The following PPP6R3 variants were observed in gnomAD, a reference collection of about 807,000 sequenced individuals.
The protein encoded by PPP6R3 is serine/threonine-protein phosphatase 6 regulatory subunit 3.
In PPP6R3, 38 loss-of-function variants were observed where a neutral mutation model predicts 110.7. The ratio of observed to expected loss-of-function variants is 0.34; its 90% CI spans 0.26 to 0.45. The LOEUF (loss-of-function observed/expected upper bound fraction) is 0.45. Among genes scored for constraint, PPP6R3 ranks in the 20% least tolerant of loss-of-function variants. The pLI, the probability that PPP6R3 is intolerant of heterozygous loss-of-function variation, is 1.00. For missense variants in PPP6R3, 870 were observed against 1,062.4 expected (o/e 0.82, Z 2.52); for synonymous variants, 369 against 373.5 (o/e 0.99, Z 0.14).
In PPP6R3 at chr11:68,496,827, G is replaced by A. The variant is rs78859322; in HGVS notation, c.-157-22674G>A. On this transcript the variant is annotated intron_variant, in intron 1 of 23. Coordinates refer to ENST00000393800, the MANE Select transcript of PPP6R3 (RefSeq NM_001164161.2). ...TTGTCTTTATTACTAAGTTGTAGGA[G>A]TTTCTTAATTATTCCATATTCTTGT... Among the ~76,000 whole-genome samples the A allele has an allele frequency of 8.7e-3, 1,113 of 128,518 alleles. 5 individuals are homozygous for A. The highest frequency in any genetic ancestry group is 0.014 in the Non-Finnish European group (827 of 59,522). The allele number at this position is 128,518 out of a possible 152,430, so 84.3% of individuals were successfully genotyped here.
chr11:68,466,645 C>A (rs369704123), intron 1 of PPP6R3, among the ~76,000 whole-genome samples: 5 of 151,368 alleles, frequency 3.3e-5, no homozygotes, highest in Non-Finnish European at 7.4e-5. Flanking sequence ...CGGAGTCTCA[C>A]ACTGTCGCCC....
chr11:68,497,641 C>T (rs1301361752), intron 1 of PPP6R3, among the ~76,000 whole-genome samples: 2 of 152,250 alleles, frequency 1.3e-5, no homozygotes, highest in African/African-American at 4.8e-5. Context: ...AGGCATGAGC[C>T]ACTGCGCCCA....
At chr11:68,575,351 C>A (rs950398760) in intron 13 of PPP6R3, among the ~76,000 whole-genome samples, 7 of 152,170 alleles carry the variant, frequency 4.6e-5, no homozygotes, top group African/African-American at 1.7e-4. Flanking sequence ...TTTTCTTTAA[C>A]ATTTCTCTAG....
At chr11:68,476,067 C>G (rs927393586) in intron 1 of PPP6R3, among the ~76,000 whole-genome samples, 9 of 151,944 alleles carry the variant, frequency 5.9e-5, no homozygotes, top group Non-Finnish European at 1.2e-4. Flanking sequence ...GGGTGGCGGC[C>G]GGGCAGAGGC....
intron 18 of PPP6R3, 59 bp downstream of exon 18, chr11:68,591,765 A>G: frequency 6.5e-7 from 1 of 1,540,168 alleles, no homozygotes; most frequent in South Asian, 1.2e-5. Flanking sequence ...AATGATTATC[A>G]TGAGACATAC....
chr11:68,566,308 C>T (rs1249622888), intron 9 of PPP6R3, among the ~76,000 whole-genome samples: 1 of 151,726 alleles, frequency 6.6e-6, no homozygotes, highest in African/African-American at 2.4e-5. Flanking sequence ...TTCCTTCCTC[C>T]TCCTCCTTCC....
At chr11:68,512,170 G>T (rs930754609) in intron 1 of PPP6R3, among the ~76,000 whole-genome samples, 2 of 152,184 alleles carry the variant, frequency 1.3e-5, no homozygotes, top group Admixed American at 6.5e-5. Context: ...ATATTAGTCT[G>T]CTCAGGGTTG....
At chr11:68,545,054 T>G in intron 4 of PPP6R3, 30 bp downstream of exon 4, 1 of 1,525,744 alleles carries the variant, frequency 6.6e-7, no homozygotes, top group Non-Finnish European at 9.0e-7. Flanking sequence ...AGGTAAGTAT[T>G]AGGGCTGATC....
At chr11:68,515,350 C>G (rs548224802) in intron 1 of PPP6R3, among the ~76,000 whole-genome samples, 141 of 152,392 alleles carry the variant, frequency 9.3e-4, no homozygotes, top group Non-Finnish European at 1.7e-3. Context: ...CCAGAACATC[C>G]TCAGGGTCTC....
intron 2 of PPP6R3, among the ~76,000 whole-genome samples, chr11:68,528,002 C>A (rs2099209847): frequency 1.3e-5 from 2 of 152,150 alleles, no homozygotes; most frequent in African/African-American, 4.8e-5. Flanking sequence ...GCATTTTTGG[C>A]CAGGTTGTCC....
intron 15 of PPP6R3, 177 bp from the exon 16 acceptor site, chr11:68,587,744 AAACGTT>A (rs1204101055): frequency 1.5e-5 from 10 of 678,936 alleles, no homozygotes; most frequent in Non-Finnish European, 2.4e-5. Context: ...ACCAAATTTC[AAACGTT>A]TCCTTTTTTG....
chr11:68,516,850 A>G (rs887377639), intron 1 of PPP6R3, among the ~76,000 whole-genome samples: 1 of 151,948 alleles, frequency 6.6e-6, no homozygotes, highest in African/African-American at 2.4e-5. Flanking sequence ...CCACATCCTT[A>G]TTGACACTTA....
intron 22 of PPP6R3, among the ~76,000 whole-genome samples, chr11:68,607,464 G>A (rs999683175): frequency 1.3e-5 from 2 of 152,138 alleles, no homozygotes; most frequent in Non-Finnish European, 2.9e-5. Flanking sequence ...AACATGTGCA[G>A]TGCTTTCTGT....
At chr11:68,579,673 T>G (rs1028466919) in intron 14 of PPP6R3, among the ~76,000 whole-genome samples, 18 of 152,368 alleles carry the variant, frequency 1.2e-4, no homozygotes, top group African/African-American at 4.3e-4. Flanking sequence ...ATGTGTAATA[T>G]ACAGTCATGC....
intron 1 of PPP6R3, among the ~76,000 whole-genome samples, chr11:68,477,772 A>ATATATATATATATATATATATATAT (rs2098846270): frequency 7.4e-6 from 1 of 134,762 alleles, no homozygotes; most frequent in Non-Finnish European, 1.6e-5. Context: ...ATATATATAT[A>ATATATATATATATATATATATATAT]ATTTCCAACT....
intron 22 of PPP6R3, among the ~76,000 whole-genome samples, chr11:68,608,998 G>C (rs1163845657): frequency 6.6e-6 from 1 of 152,130 alleles, no homozygotes; most frequent in East Asian, 1.9e-4. Context: ...AACGACCCAA[G>C]AATGCATCCT....
intron 15 of PPP6R3, among the ~76,000 whole-genome samples, chr11:68,585,086 A>C (rs1488858580): frequency 1.3e-5 from 2 of 152,172 alleles, no homozygotes; most frequent in African/African-American, 4.8e-5. Context: ...CAGGGCAGAT[A>C]ATTTAACCAG....
intron 1 of PPP6R3, among the ~76,000 whole-genome samples, chr11:68,508,882 T>C (rs1343915239): frequency 6.6e-6 from 1 of 152,000 alleles, no homozygotes; most frequent in Admixed American, 6.5e-5. Context: ...AAAAATGCAG[T>C]GTATTGAAGG....
rs970875017 is a variant in PPP6R3, at chr11:68,546,717, C to T, written c.415-1350C>T. ...TTTGTTAGCTCATGGAACAGGAAGTCGGATGGTGGGGCATCTTCAGTGCTG... is the reference window on the plus strand; with the variant it reads ...TTTGTTAGCTCATGGAACAGGAAGTTGGATGGTGGGGCATCTTCAGTGCTG... On this transcript the variant is annotated intron_variant, in intron 4 of 23. Transcript: ENST00000393800. 3.9e-5 allele frequency among the ~76,000 whole-genome samples: 6 copies of T among 152,292 alleles called. No homozygotes were observed. The South Asian group carries it at 1.0e-3, about 26-fold the overall frequency.
Sources: allele counts gnomAD v4.1 joint callset (sites outside exome capture counted in the v4.1 genomes callset), GRCh38; gene constraint gnomAD v4.1.1; transcripts MANE v1.5; gene names NCBI Gene and HGNC (gene_info 2026-07-23, HGNC 2026-07-21).